The following PHTF2 variants were observed in gnomAD, a reference collection of about 807,000 sequenced individuals.
PHTF2 encodes protein PHTF2.
A neutral mutation model predicts 101.2 loss-of-function variants in PHTF2; 60 were observed. That is an observed-to-expected ratio of 0.59 (90% CI 0.48 to 0.73). The LOEUF (loss-of-function observed/expected upper bound fraction) is 0.73. PHTF2 is among the 30% of genes least tolerant of loss of function. The pLI, the probability that PHTF2 is intolerant of heterozygous loss-of-function variation, is 0.00. For synonymous variants in PHTF2, 311 were observed against 307.3 expected, an observed-to-expected ratio of 1.01 and a Z score of -0.13; for missense variants, 747 against 908.7, an observed-to-expected ratio of 0.82 and a Z score of 2.29.
chr7:77,801,797 G>T (rs572274916), intron 1 of PHTF2, among the ~76,000 whole-genome samples: 10 of 152,242 alleles, frequency 6.6e-5, no homozygotes, highest in African/African-American at 1.9e-4. Context: ...AAATGCTTGT[G>T]GTCCCAATAA....
At chr7:77,886,604 T>G (rs1799871453) in intron 3 of PHTF2, among the ~76,000 whole-genome samples, 1 of 152,204 alleles carries the variant, frequency 6.6e-6, no homozygotes, top group Non-Finnish European at 1.5e-5. Flanking sequence ...AAGTTCCTAT[T>G]CAGTGATAGT....
At chr7:77,907,075 C>CTATGTAGA (rs1175038754) in intron 7 of PHTF2, among the ~76,000 whole-genome samples, 1 of 151,812 alleles carries the variant, frequency 6.6e-6, no homozygotes, top group Non-Finnish European at 1.5e-5. Flanking sequence ...ATGCTGTGTA[C>CTATGTAGA]TATGTAGATA....
chr7:77,908,879 C>T, exon 8 of PHTF2: 1 of 1,612,792 alleles, frequency 6.2e-7, no homozygotes, highest in Non-Finnish European at 8.5e-7. Flanking sequence ...GCTGATGCTG[C>T]TCCTGGGAAC....
At chr7:77,822,312 T>C (rs1256188659) in intron 1 of PHTF2, among the ~76,000 whole-genome samples, 1 of 151,896 alleles carries the variant, frequency 6.6e-6, no homozygotes, top group East Asian at 1.9e-4. Flanking sequence ...CCCATGTGAG[T>C]GTGATGGAAT....
chr7:77,821,596 C>T (rs1794296869), intron 1 of PHTF2, among the ~76,000 whole-genome samples: 1 of 152,036 alleles, frequency 6.6e-6, no homozygotes, highest in Non-Finnish European at 1.5e-5. Context: ...AGGCCCTTGA[C>T]ATGGCTTCAC....
rs115703883 is a variant in PHTF2 at position 77,911,803 on chromosome 7, G to A, written c.776+1394G>A. On this transcript the variant is annotated intron_variant, in intron 9 of 19. Coordinates refer to ENST00000416283, the Ensembl canonical transcript of PHTF2. ...TCCAGGGACAATATGTTTTGTTTTCGTTTTTAAACTTGGGTTGAATTCTGT... is the reference window on the plus strand; with the variant it reads ...TCCAGGGACAATATGTTTTGTTTTCATTTTTAAACTTGGGTTGAATTCTGT... 4.7e-3 allele frequency among the ~76,000 whole-genome samples: 709 copies of A among 152,038 alleles called. 9 individuals are homozygous for A. The highest frequency in any genetic ancestry group is 0.016 in the African/African-American group (666 of 41,470).
At chr7:77,822,127 C>A (rs184903464) in intron 1 of PHTF2, among the ~76,000 whole-genome samples, 72 of 152,296 alleles carry the variant, frequency 4.7e-4, no homozygotes, top group Middle Eastern at 3.4e-3. Flanking sequence ...GGCTCAAGGG[C>A]AGGTTTGCCT....
intron 1 of PHTF2, among the ~76,000 whole-genome samples, chr7:77,830,214 C>G (rs1323597923): frequency 6.6e-6 from 1 of 152,174 alleles, no homozygotes; most frequent in African/African-American, 2.4e-5. Context: ...ACAGCAGTCC[C>G]CCTTATCTGT....
At chr7:77,859,500 A>C (rs1338338076) in intron 3 of PHTF2, among the ~76,000 whole-genome samples, 3 of 152,082 alleles carry the variant, frequency 2.0e-5, no homozygotes, top group Admixed American at 6.5e-5. Flanking sequence ...TTTTAAAAAA[A>C]ATTTTTCATT....
chr7:77,810,114 C>T (rs1356759682), intron 1 of PHTF2, among the ~76,000 whole-genome samples: 2 of 152,072 alleles, frequency 1.3e-5, no homozygotes, highest in African/African-American at 4.8e-5. Context: ...CCTGTATACC[C>T]TTCACCCAGA....
intron 10 of PHTF2, among the ~76,000 whole-genome samples, chr7:77,922,249 A>G (rs1348308519): frequency 4.6e-5 from 7 of 151,576 alleles, no homozygotes; most frequent in Non-Finnish European, 1.5e-5. Context: ...CTGGTCTCGA[A>G]CCCCTGGCCT....
chr7:77,938,961 C>T (rs1481294213), intron 13 of PHTF2, among the ~76,000 whole-genome samples: 1 of 152,068 alleles, frequency 6.6e-6, no homozygotes, highest in East Asian at 1.9e-4. Context: ...TAACATATCT[C>T]AGTGTGAGCA....
intron 5 of PHTF2, among the ~76,000 whole-genome samples, chr7:77,894,637 A>G (rs1459636318): frequency 6.6e-6 from 1 of 152,204 alleles, no homozygotes; most frequent in Non-Finnish European, 1.5e-5. Flanking sequence ...GAAAGATAAA[A>G]TAGATTATAG....
At chr7:77,923,831 C>A in intron 11 of PHTF2, 1 of 985,168 alleles carries the variant, frequency 1.0e-6, no homozygotes, top group African/African-American at 1.7e-5. Context: ...ACTCCATGAT[C>A]TTGGCTTTTG....
intron 3 of PHTF2, among the ~76,000 whole-genome samples, chr7:77,884,726 G>C (rs938964301): frequency 1.3e-5 from 2 of 151,982 alleles, no homozygotes; most frequent in Non-Finnish European, 2.9e-5. Flanking sequence ...GTCAAACCCC[G>C]TCTTTACCAA....
chr7:77,848,136 T>C (rs1468845703), intron 2 of PHTF2, among the ~76,000 whole-genome samples: 1 of 152,246 alleles, frequency 6.6e-6, no homozygotes, highest in Non-Finnish European at 1.5e-5. Context: ...TGGTTCCAAA[T>C]CTTGGTTATC....
intron 9 of PHTF2, among the ~76,000 whole-genome samples, chr7:77,914,906 A>G (rs1222144346): frequency 6.6e-6 from 1 of 151,982 alleles, no homozygotes. Flanking sequence ...TATTGTTATT[A>G]TTATTATTAG....
intron 13 of PHTF2, among the ~76,000 whole-genome samples, chr7:77,938,280 T>C (rs908273692): frequency 6.6e-6 from 1 of 152,232 alleles, no homozygotes; most frequent in South Asian, 2.1e-4. Context: ...ATCAAACTAG[T>C]AAATTTGCAT....
chr7:77,879,378 A>T (rs1311696998), intron 3 of PHTF2, among the ~76,000 whole-genome samples: 4 of 152,076 alleles, frequency 2.6e-5, no homozygotes, highest in African/African-American at 9.7e-5. Context: ...CCAACCCCTC[A>T]TGGCTGCAGA....
Sources: allele counts gnomAD v4.1 joint callset (sites outside exome capture counted in the v4.1 genomes callset), GRCh38; gene constraint gnomAD v4.1.1; transcripts MANE v1.5; gene names NCBI Gene and HGNC (gene_info 2026-07-23, HGNC 2026-07-21).